The following EPB41L3 variants were observed in gnomAD, a reference collection of about 807,000 sequenced individuals.
The protein encoded by EPB41L3 is erythrocyte membrane protein band 4.1 like 3.
EPB41L3 carries 57 observed loss-of-function variants against 127.1 expected under a neutral mutation model. That is an observed-to-expected ratio of 0.45 (90% CI 0.36 to 0.56). The LOEUF (loss-of-function observed/expected upper bound fraction) is 0.56, where lower values mean the gene tolerates loss of function less well. Among genes scored for constraint, EPB41L3 ranks in the 20% least tolerant of loss-of-function variants. The pLI is 0.00. For missense variants in EPB41L3, 1,273 were observed against 1,372.2 expected (o/e 0.93, Z 1.14); for synonymous variants, 572 against 549.5 (o/e 1.04, Z -0.57).
At chr18:5,483,386 C>T (rs749340985) in intron 2 of EPB41L3, among the ~76,000 whole-genome samples, 5 of 151,824 alleles carry the variant, frequency 3.3e-5, no homozygotes, top group African/African-American at 7.3e-5. Flanking sequence ...AACACATTAC[C>T]AGAGAAAATC....
At chr18:5,595,787 C>T (rs149974999) in intron 3 of EPB41L3, among the ~76,000 whole-genome samples, 1,777 of 152,174 alleles carry the variant, frequency 0.012, 28 homozygotes, top group African/African-American at 0.035. Flanking sequence ...CCTTAACTGT[C>T]CACCAAAAAA....
At chr18:5,610,291 C>T (rs1178680377) in intron 3 of EPB41L3, 1 of 985,238 alleles carries the variant, frequency 1.0e-6, no homozygotes, top group Non-Finnish European at 1.2e-6. Flanking sequence ...CTGATGCTAC[C>T]TTATCCCATT....
intron 3 of EPB41L3, among the ~76,000 whole-genome samples, chr18:5,593,681 G>C (rs535558579): frequency 6.6e-6 from 1 of 152,254 alleles, no homozygotes; most frequent in Non-Finnish European, 1.5e-5. Flanking sequence ...TAATAAGCCT[G>C]GGAGCACTAT....
chr18:5,394,014 G>A (rs2072869978), intron 22 of EPB41L3: 2 of 154,136 alleles, frequency 1.3e-5, no homozygotes, highest in East Asian at 1.9e-4. Context: ...TCACTGGAAA[G>A]GTATGTGCTT....
chr18:5,590,174 C>T (rs867264825), intron 3 of EPB41L3, among the ~76,000 whole-genome samples: 9 of 152,130 alleles, frequency 5.9e-5, no homozygotes, highest in South Asian at 2.1e-4. Flanking sequence ...CCATCCCCTT[C>T]GCTTTGGGCT....
At chr18:5,573,599 G>A (rs1015507996) in intron 3 of EPB41L3, among the ~76,000 whole-genome samples, 2 of 152,098 alleles carry the variant, frequency 1.3e-5, no homozygotes, top group African/African-American at 4.8e-5. Flanking sequence ...AGAAGTCTAG[G>A]TACACACATC....
At chr18:5,569,893 A>G (rs2094255343) in intron 3 of EPB41L3, among the ~76,000 whole-genome samples, 1 of 152,220 alleles carries the variant, frequency 6.6e-6, no homozygotes, top group South Asian at 2.1e-4. Flanking sequence ...TCAAATGTGT[A>G]GTCAATGCTG....
intron 2 of EPB41L3, among the ~76,000 whole-genome samples, chr18:5,484,142 A>G (rs2089269390): frequency 6.8e-6 from 1 of 147,446 alleles, no homozygotes; most frequent in African/African-American, 2.5e-5. Flanking sequence ...AAATCATATC[A>G]AGTATCTTTC....
chr18:5,519,024 T>C (rs2092874847), intron 1 of EPB41L3, among the ~76,000 whole-genome samples: 1 of 152,212 alleles, frequency 6.6e-6, no homozygotes, highest in Non-Finnish European at 1.5e-5. Flanking sequence ...TCAGATCGTG[T>C]GTCAAGTGAC....
intron 3 of EPB41L3, among the ~76,000 whole-genome samples, chr18:5,574,209 A>G (rs889793498): frequency 1.1e-4 from 16 of 152,030 alleles, no homozygotes; most frequent in Non-Finnish European, 2.9e-5. Flanking sequence ...CACTAGATGT[A>G]CCATGGATAT....
intron 2 of EPB41L3, among the ~76,000 whole-genome samples, chr18:5,483,969 C>T (rs2089120971): frequency 6.7e-6 from 1 of 149,780 alleles, no homozygotes; most frequent in South Asian, 2.1e-4. Context: ...TCTAACAGGC[C>T]TAACCAACAT....
intron 14 of EPB41L3, among the ~76,000 whole-genome samples, chr18:5,407,986 C>A (rs1162972379): frequency 6.6e-6 from 1 of 152,054 alleles, no homozygotes; most frequent in African/African-American, 2.4e-5. Context: ...AGCAGACACA[C>A]GTGGTTGAGA....
At chr18:5,505,167 A>G (rs1211453205) in intron 1 of EPB41L3, among the ~76,000 whole-genome samples, 2 of 152,128 alleles carry the variant, frequency 1.3e-5, no homozygotes, top group Non-Finnish European at 2.9e-5. Context: ...TCTGTTGACT[A>G]AAAGTCTACA....
intron 16 of EPB41L3, chr18:5,398,514 T>C (rs1184740737): frequency 9.9e-6 from 4 of 403,412 alleles, no homozygotes. Context: ...GAAAAAAAAT[T>C]AAGAAGCTGG....
intron 1 of EPB41L3, among the ~76,000 whole-genome samples, chr18:5,522,903 G>A (rs943276775): frequency 6.6e-5 from 10 of 152,132 alleles, no homozygotes; most frequent in African/African-American, 1.9e-4. Flanking sequence ...GTGAATAAAC[G>A]GAAAATGATA....
upstream of EPB41L3, among the ~76,000 whole-genome samples, chr18:5,547,495 C>T (rs1358208685): frequency 1.3e-5 from 2 of 152,232 alleles, no homozygotes; most frequent in African/African-American, 4.8e-5. Context: ...ATGACTCTAG[C>T]CTAGGTCTTA....
At chr18:5,535,655 GA>G in intron 1 of EPB41L3, among the ~76,000 whole-genome samples, 1 of 152,272 alleles carries the variant, frequency 6.6e-6, no homozygotes, top group Non-Finnish European at 1.5e-5. Flanking sequence ...TCATCTCACA[GA>G]AGCCTGGGTG....
At chr18:5,552,068 G>A (rs1310958818) in intron 3 of EPB41L3, among the ~76,000 whole-genome samples, 1 of 152,180 alleles carries the variant, frequency 6.6e-6, no homozygotes, top group Non-Finnish European at 1.5e-5. Flanking sequence ...TTGATAACAA[G>A]CACTTATTTA....
chr18:5,395,004 T>C (rs745342175), intron 21 of EPB41L3, 63 bp downstream of exon 21: 3 of 1,511,518 alleles, frequency 2.0e-6, no homozygotes, highest in African/African-American at 1.4e-5. Flanking sequence ...GCATTGAAAC[T>C]GTAGGACCAA....
Sources: gnomAD v4.1 joint callset for allele counts (sites outside exome capture counted in the v4.1 genomes callset) on GRCh38, gnomAD v4.1.1 for gene constraint, MANE v1.5 for transcripts, NCBI Gene and HGNC (gene_info 2026-07-23, HGNC 2026-07-21) for gene names.